DPP6: variants seen among roughly 807,000 people sequenced by gnomAD.
The protein encoded by DPP6 is dipeptidyl peptidase like 6, also known as A-type potassium channel modulatory protein DPP6.
A neutral mutation model predicts 122.6 loss-of-function variants in DPP6; 69 were observed. The observed-to-expected ratio is 0.56, with a 90% CI of 0.46 to 0.69. The LOEUF (loss-of-function observed/expected upper bound fraction) is 0.69, where lower values mean the gene tolerates loss of function less well. Ranked by LOEUF, DPP6 falls within the 30% of genes least tolerant of loss-of-function variation. The probability of loss-of-function intolerance (pLI) is 0.00; values close to 1 mark genes in which losing one functional copy is unlikely to be tolerated. For synonymous variants in DPP6, 418 were observed against 433.1 expected (o/e 0.97, Z 0.43); for missense variants, 928 against 1,116.9 (o/e 0.83, Z 2.41).
At chr7:154,586,467 G>A (rs1275650403) in intron 5 of DPP6, among the ~76,000 whole-genome samples, 2 of 152,064 alleles carry the variant, frequency 1.3e-5, no homozygotes. Flanking sequence ...ATTTGCTGGA[G>A]GGCCTGTGGG....
chr7:153,977,545 C>G (rs4726363), intron 1 of DPP6, among the ~76,000 whole-genome samples: 2 of 151,938 alleles, frequency 1.3e-5, no homozygotes, highest in East Asian at 3.9e-4. Context: ...CTCATTCTTT[C>G]TTTTTGTCCT....
At chr7:154,873,606 G>T (rs554514995) in intron 19 of DPP6, among the ~76,000 whole-genome samples, 21 of 152,268 alleles carry the variant, frequency 1.4e-4, no homozygotes, top group African/African-American at 2.6e-4. Context: ...TAGCAAAAAG[G>T]TTCCATTATA....
intron 8 of DPP6, among the ~76,000 whole-genome samples, chr7:154,735,642 T>A (rs1402682905): frequency 3.3e-5 from 5 of 152,198 alleles, no homozygotes; most frequent in Admixed American, 2.0e-4. Context: ...AATTTTACCT[T>A]GTAGAGAGAC....
chr7:154,695,997 C>A (rs1840193714), intron 7 of DPP6, among the ~76,000 whole-genome samples: 1 of 152,172 alleles, frequency 6.6e-6, no homozygotes, highest in Admixed American at 6.5e-5. Flanking sequence ...CAAAAGAGGC[C>A]TCTCAGAGGA....
intron 8 of DPP6, among the ~76,000 whole-genome samples, chr7:154,750,086 A>G (rs1471694844): frequency 2.0e-5 from 3 of 152,148 alleles, no homozygotes; most frequent in African/African-American, 7.2e-5. Context: ...AGAAGGTGCA[A>G]AGGAGAGCTG....
At position 154,218,949 on chromosome 7, in the gene DPP6, T is replaced by A. The variant is rs1019672662; in HGVS notation, c.243+165886T>A. On this transcript the variant is annotated intron_variant, in intron 1 of 25. Coordinates refer to ENST00000377770, the MANE Select transcript of DPP6 (RefSeq NM_130797.4). ...GAATGATTTGACTTGAGATCAGAAA[T>A]TTGCATTTCTGTACACATATTGAAG... Among the ~76,000 whole-genome samples, 6 of 152,196 alleles carry A rather than the reference T, an allele frequency of 3.9e-5. No homozygotes were observed. In the East Asian group the frequency reaches 1.2e-3, roughly 29 times the overall value.
chr7:153,940,003 A>G (rs989560712), intron 1 of DPP6, among the ~76,000 whole-genome samples: 1 of 152,154 alleles, frequency 6.6e-6, no homozygotes, highest in African/African-American at 2.4e-5. Context: ...TAGTGTTTTG[A>G]CTGTATGCTG....
Position 154,140,043 on chromosome 7 carries a change from A to G in DPP6, c.243+86980A>G, listed in dbSNP as rs556618066. On this transcript the variant is annotated intron_variant, in intron 1 of 25. Transcript: ENST00000377770. ...GAAGATATCCATCAGATCCTCCAAT[A>G]TGTGAATTAGGTCTGATGGGGGGTA... 2.0e-4 allele frequency among the ~76,000 whole-genome samples: 31 copies of G among 152,278 alleles called. No individual in the cohort carries two copies. In the East Asian group the frequency reaches 6.0e-3, roughly 29 times the overall value.
At chr7:154,176,832 T>C (rs181913538) in intron 1 of DPP6, among the ~76,000 whole-genome samples, 107 of 152,288 alleles carry the variant, frequency 7.0e-4, no homozygotes, top group Non-Finnish European at 1.1e-3. Flanking sequence ...GGAAATCATT[T>C]TTTTTTCTTT....
upstream of DPP6, among the ~76,000 whole-genome samples, chr7:153,882,574 C>T (rs1798784116): frequency 6.6e-6 from 1 of 152,158 alleles, no homozygotes; most frequent in African/African-American, 2.4e-5. Context: ...TAAATCAAAG[C>T]CACTTTAATC....
the DPP6 span, among the ~76,000 whole-genome samples, chr7:153,804,062 T>TC: frequency 6.6e-6 from 1 of 151,666 alleles, no homozygotes; most frequent in African/African-American, 2.4e-5. Context: ...ACTTTTTTTT[T>TC]TTTTTGAGAC....
intron 1 of DPP6, among the ~76,000 whole-genome samples, chr7:154,002,746 T>C (rs1383949996): frequency 6.6e-6 from 1 of 152,136 alleles, no homozygotes; most frequent in African/African-American, 2.4e-5. Flanking sequence ...GTCATATGTG[T>C]CTCAATTTGC....
intron 3 of DPP6, among the ~76,000 whole-genome samples, chr7:154,485,122 G>A (rs1348937243): frequency 2.0e-5 from 3 of 152,118 alleles, no homozygotes; most frequent in Non-Finnish European, 4.4e-5. Flanking sequence ...AGGGCACTTG[G>A]TACAGCAGCC....
chr7:153,987,710 G>A (rs1796922230), intron 1 of DPP6, among the ~76,000 whole-genome samples: 1 of 152,150 alleles, frequency 6.6e-6, no homozygotes. Flanking sequence ...GCTGTGGGGT[G>A]CTGCAGCTGG....
At chr7:154,557,992 GA>G (rs1226819871) in intron 4 of DPP6, among the ~76,000 whole-genome samples, 2 of 152,008 alleles carry the variant, frequency 1.3e-5, no homozygotes, top group Non-Finnish European at 2.9e-5. Context: ...TACATGTGCA[GA>G]ATGTGTAGGT....
chr7:154,431,451 CTT>C (rs1218611055), intron 1 of DPP6, among the ~76,000 whole-genome samples: 3 of 14,972 alleles, frequency 2.0e-4, no homozygotes, highest in Non-Finnish European at 7.3e-4. Context: ...CCTTTCTTTT[CTT>C]TTCTTTTCTT....
chr7:154,675,205 C>T (rs1297443162), intron 7 of DPP6, among the ~76,000 whole-genome samples: 2 of 152,012 alleles, frequency 1.3e-5, no homozygotes, highest in Non-Finnish European at 2.9e-5. Context: ...CGGGGCCTGT[C>T]CGGGGGCGGG....
At chr7:154,868,511 TGAG>T (rs1356351764) in intron 18 of DPP6, among the ~76,000 whole-genome samples, 2 of 152,190 alleles carry the variant, frequency 1.3e-5, no homozygotes, top group Non-Finnish European at 2.9e-5. Context: ...AGGGTTTACG[TGAG>T]GAGGTTTGAG....
chr7:154,637,721 T>C, intron 5 of DPP6, 100 bp from the exon 6 acceptor site: 1 of 1,248,900 alleles, frequency 8.0e-7, no homozygotes, highest in South Asian at 1.6e-5. Flanking sequence ...TAGCTGCTTT[T>C]GGTTCACTGA....
Sources: allele counts gnomAD v4.1 joint callset (sites outside exome capture counted in the v4.1 genomes callset), GRCh38; gene constraint gnomAD v4.1.1; transcripts MANE v1.5; gene names NCBI Gene and HGNC (gene_info 2026-07-23, HGNC 2026-07-21).